The following ATG4C variants were observed in gnomAD, a reference collection of about 807,000 sequenced individuals.
The protein encoded by ATG4C is cysteine protease ATG4C.
ATG4C carries 56 observed loss-of-function variants against 57.6 expected under a neutral mutation model. That is an observed-to-expected ratio of 0.97 (90% CI 0.78 to 1.21). ATG4C has a LOEUF of 1.21. Ranked by LOEUF, ATG4C falls within the 50% of genes most tolerant of loss-of-function variation. The pLI is 0.00. For synonymous variants in ATG4C, 157 were observed against 174.1 expected (o/e 0.90, Z 0.78); for missense variants, 595 against 529.8 (o/e 1.12, Z -1.21).
intron 10 of ATG4C, among the ~76,000 whole-genome samples, chr1:62,844,100 CAAGT>C (rs1463600946): frequency 1.3e-5 from 2 of 152,238 alleles, no homozygotes; most frequent in East Asian, 3.9e-4. Flanking sequence ...TAGAGAATGG[CAAGT>C]AGTCCAACTT....
chr1:62,793,108 G>A (rs550658693), intron 1 of ATG4C, among the ~76,000 whole-genome samples: 3 of 150,530 alleles, frequency 2.0e-5, no homozygotes, highest in Non-Finnish European at 3.0e-5. Context: ...GGATGGTCTC[G>A]ATCTCCTGAC....
intron 5 of ATG4C, among the ~76,000 whole-genome samples, chr1:62,820,333 C>T (rs865910427): frequency 6.6e-6 from 1 of 152,022 alleles, no homozygotes; most frequent in Admixed American, 6.6e-5. Context: ...TCTTTCCTCT[C>T]CCTCCAGTCC....
At position 62,844,870 on chromosome 1, in the gene ATG4C, G is replaced by A. The variant is rs968375802; in HGVS notation, c.1209+3323G>A. On this transcript the variant is annotated intron_variant, in intron 10 of 10. Coordinates refer to ENST00000317868, the MANE Select transcript of ATG4C (RefSeq NM_032852.4). ...TCATCTACAACATTTTTATTTAACA[G>A]TGAGTTAGAGATTATCTATGTAACC... 8.6e-5 allele frequency among the ~76,000 whole-genome samples: 13 copies of A among 151,868 alleles called. No homozygotes were observed. In the South Asian group the frequency reaches 2.7e-3, roughly 32 times the overall value.
chr1:62,854,815 G>A (rs1005111746), intron 10 of ATG4C, among the ~76,000 whole-genome samples: 2 of 152,148 alleles, frequency 1.3e-5, no homozygotes, highest in East Asian at 1.9e-4. Flanking sequence ...GAGTTGTTTC[G>A]TTTTCTCAAA....
At chr1:62,839,436 T>C (rs943327963) in intron 9 of ATG4C, among the ~76,000 whole-genome samples, 1 of 152,212 alleles carries the variant, frequency 6.6e-6, no homozygotes, top group Non-Finnish European at 1.5e-5. Flanking sequence ...TATTAGACCA[T>C]GTACAAGCTT....
chr1:62,832,877 A>G (rs375667216), intron 7 of ATG4C, among the ~76,000 whole-genome samples: 12 of 152,198 alleles, frequency 7.9e-5, no homozygotes, highest in Admixed American at 4.6e-4. Flanking sequence ...ATAGGAAAAG[A>G]TATTCATGAC....
At chr1:62,849,135 C>G (rs952058179) in intron 10 of ATG4C, among the ~76,000 whole-genome samples, 1 of 151,890 alleles carries the variant, frequency 6.6e-6, no homozygotes, top group Non-Finnish European at 1.5e-5. Context: ...TAACTTTGAC[C>G]CCTTGGTTAA....
chr1:62,828,430 T>C (rs566315576), intron 6 of ATG4C, among the ~76,000 whole-genome samples: 1 of 152,338 alleles, frequency 6.6e-6, no homozygotes, highest in East Asian at 1.9e-4. Flanking sequence ...AATACGCTTA[T>C]TGGCTACATG....
At chr1:62,851,651 A>C (rs959741401) in intron 10 of ATG4C, among the ~76,000 whole-genome samples, 2 of 152,218 alleles carry the variant, frequency 1.3e-5, no homozygotes, top group Admixed American at 1.3e-4. Context: ...TAAACATTGA[A>C]ATAAATGTGA....
At chr1:62,820,244 G>A (rs191679744) in intron 5 of ATG4C, among the ~76,000 whole-genome samples, 170 of 152,040 alleles carry the variant, frequency 1.1e-3, no homozygotes, top group African/African-American at 3.8e-3. Flanking sequence ...CTACTCCGGG[G>A]GACAGCAAAC....
chr1:62,813,741 A>G (rs1187822495), intron 3 of ATG4C, among the ~76,000 whole-genome samples: 1 of 152,242 alleles, frequency 6.6e-6, no homozygotes, highest in Non-Finnish European at 1.5e-5. Flanking sequence ...AGGAACTTAA[A>G]CAAATTTACA....
At chr1:62,788,320 T>C (rs1664154856) in intron 1 of ATG4C, among the ~76,000 whole-genome samples, 1 of 152,128 alleles carries the variant, frequency 6.6e-6, no homozygotes, top group Non-Finnish European at 1.5e-5. Context: ...GAAATGGTAG[T>C]ATGACAAATA....
At chr1:62,853,988 A>G (rs1666599096) in intron 10 of ATG4C, among the ~76,000 whole-genome samples, 1 of 151,692 alleles carries the variant, frequency 6.6e-6, no homozygotes, top group South Asian at 2.1e-4. Context: ...ATATTTTTGT[A>G]CTGGAAGATT....
At chr1:62,834,226 A>C (rs1164988033) in intron 8 of ATG4C, 110 bp downstream of exon 8, 2 of 926,960 alleles carry the variant, frequency 2.2e-6, no homozygotes, top group Admixed American at 4.6e-5. Context: ...CGAGTACCTT[A>C]TACATTCATC....
intron 3 of ATG4C, among the ~76,000 whole-genome samples, chr1:62,811,810 A>C (rs954348576): frequency 6.6e-6 from 1 of 152,192 alleles, no homozygotes; most frequent in Non-Finnish European, 1.5e-5. Flanking sequence ...ACTTAACGTC[A>C]TAGATAGTTC....
intron 3 of ATG4C, among the ~76,000 whole-genome samples, chr1:62,815,390 T>C (rs942653761): frequency 6.6e-6 from 1 of 152,206 alleles, no homozygotes; most frequent in Non-Finnish European, 1.5e-5. Context: ...ACCTTCTCCC[T>C]CTTGGTCTTT....
chr1:62,854,371 C>T (rs1284786449), intron 10 of ATG4C, among the ~76,000 whole-genome samples: 3 of 151,282 alleles, frequency 2.0e-5, no homozygotes, highest in African/African-American at 4.9e-5. Flanking sequence ...CTCCGCCTCC[C>T]GGTTCATGCC....
intron 9 of ATG4C, among the ~76,000 whole-genome samples, chr1:62,836,316 C>T (rs1665998317): frequency 6.6e-6 from 1 of 152,166 alleles, no homozygotes. Context: ...TTAAAATTGA[C>T]TTCTTAAATG....
rs761187820 is a variant in ATG4C, at chr1:62,816,763, CA to C, written c.350del (p.Gln117ArgfsTer23). 10 of 1,611,208 alleles carry C rather than the reference CA, an allele frequency of 6.2e-6. No homozygotes were observed. The highest frequency in any genetic ancestry group is 8.5e-6 in the Non-Finnish European group (10 of 1,178,480). On this transcript the variant is annotated frameshift_variant, in exon 4 of 11. Coordinates refer to ENST00000317868, the MANE Select transcript of ATG4C (RefSeq NM_032852.4). LOFTEE classifies it high-confidence loss of function. ...CGWGCTLRTG[Q>X]MLLAQGLILH... ...GTGGGGCTGCACATTGAGAACTGGC[CA>C]GATGCTCTTGGCTCAAGGACTCATA...
Sources: gnomAD v4.1 joint callset for allele counts (sites outside exome capture counted in the v4.1 genomes callset) on GRCh38, gnomAD v4.1.1 for gene constraint, MANE v1.5 for transcripts, NCBI Gene and HGNC (gene_info 2026-07-23, HGNC 2026-07-21) for gene names.